Variants in DLGAP2 observed in about 807,000 individuals in gnomAD.
DLGAP2 encodes the protein disks large-associated protein 2.
A neutral mutation model predicts 100.3 loss-of-function variants in DLGAP2; 26 were observed. The ratio of observed to expected loss-of-function variants is 0.26; its 90% CI spans 0.19 to 0.36. DLGAP2 has a LOEUF of 0.36. Ranked by LOEUF, DLGAP2 falls within the 10% of genes least tolerant of loss-of-function variation. The pLI is 1.00. For missense variants in DLGAP2, 1,858 were observed against 1,453.2 expected, an observed-to-expected ratio of 1.28 and a Z score of -4.53; for synonymous variants, 886 against 630.1, an observed-to-expected ratio of 1.41 and a Z score of -6.08.
intron 2 of DLGAP2, among the ~76,000 whole-genome samples, chr8:1,099,125 G>T (rs1043381405): frequency 5.3e-5 from 8 of 152,148 alleles, no homozygotes; most frequent in Non-Finnish European, 8.8e-5. Flanking sequence ...CCAGTTCTCA[G>T]CCTCGCCGGT....
At chr8:1,222,616 G>T (rs911787032) in intron 2 of DLGAP2, among the ~76,000 whole-genome samples, 1 of 151,942 alleles carries the variant, frequency 6.6e-6, no homozygotes, top group Non-Finnish European at 1.5e-5. Flanking sequence ...GCTGGCGGGG[G>T]AAGGCTGCAG....
chr8:1,487,996 A>C (rs971866552), intron 3 of DLGAP2, among the ~76,000 whole-genome samples: 13 of 151,276 alleles, frequency 8.6e-5, no homozygotes, highest in African/African-American at 3.1e-4. Context: ...CATTGTTGAA[A>C]TGATCGCTTT....
intron 1 of DLGAP2, among the ~76,000 whole-genome samples, chr8:833,066 C>T (rs996309201): frequency 1.3e-5 from 2 of 152,198 alleles, no homozygotes; most frequent in African/African-American, 4.8e-5. Context: ...CCCATCATCC[C>T]CATGAGCAGC....
intron 3 of DLGAP2, 67 bp from the exon 4 acceptor site, chr8:1,501,299 G>A (rs1584958851): frequency 1.3e-6 from 2 of 1,481,884 alleles, no homozygotes; most frequent in Non-Finnish European, 1.8e-6. Flanking sequence ...TTTTGAAGAT[G>A]TGCAGGGAAT....
intron 3 of DLGAP2, among the ~76,000 whole-genome samples, chr8:1,485,558 C>A (rs913151250): frequency 2.6e-5 from 4 of 152,228 alleles, no homozygotes; most frequent in African/African-American, 9.6e-5. Context: ...ACGTTGCGTC[C>A]ATGTGAAGAT....
intron 8 of DLGAP2, among the ~76,000 whole-genome samples, chr8:1,639,571 G>A (rs1042345545): frequency 1.3e-5 from 2 of 152,230 alleles, no homozygotes; most frequent in Admixed American, 1.3e-4. Context: ...CTGGACTGAG[G>A]AACCCCTACA....
At chr8:878,430 G>C (rs1294668283) in intron 1 of DLGAP2, among the ~76,000 whole-genome samples, 1 of 152,180 alleles carries the variant, frequency 6.6e-6, no homozygotes, top group African/African-American at 2.4e-5. Context: ...GTGGGGTTGT[G>C]GGTCAGAGGA....
intron 1 of DLGAP2, among the ~76,000 whole-genome samples, chr8:741,573 A>C (rs1820486611): frequency 6.6e-6 from 1 of 152,108 alleles, no homozygotes; most frequent in Admixed American, 6.6e-5. Context: ...TTCATGTGGG[A>C]TGTCAGTTGC....
chr8:1,546,854 C>T (rs932473199), intron 4 of DLGAP2, among the ~76,000 whole-genome samples: 1 of 152,068 alleles, frequency 6.6e-6, no homozygotes, highest in African/African-American at 2.4e-5. Context: ...GGCAGGAATT[C>T]GTTCCGGGAT....
chr8:1,202,241 AGTGT>A (rs36230610), intron 2 of DLGAP2, among the ~76,000 whole-genome samples: 15,841 of 149,046 alleles, frequency 0.11, 956 homozygotes, highest in African/African-American at 0.16. Flanking sequence ...GTATAGATGC[AGTGT>A]GTGTGTGTGT....
At chr8:805,671 G>C (rs1332303095) in intron 1 of DLGAP2, among the ~76,000 whole-genome samples, 1 of 152,062 alleles carries the variant, frequency 6.6e-6, no homozygotes, top group Non-Finnish European at 1.5e-5. Flanking sequence ...GCAGTGGCAC[G>C]ATCTGGGCTC....
chr8:1,247,161 T>C (rs1585187864), intron 2 of DLGAP2: 1 of 156,854 alleles, frequency 6.4e-6, no homozygotes, highest in East Asian at 2.2e-4. Flanking sequence ...ACCTTTGAGA[T>C]CAGTGTGGGA....
intron 2 of DLGAP2, chr8:1,018,719 A>T (rs1801543154): frequency 6.6e-6 from 1 of 152,246 alleles, no homozygotes; most frequent in Non-Finnish European, 1.5e-5. Flanking sequence ...CATATTCCTT[A>T]TCAACTGGAA....
At chr8:1,660,945 G>A (rs933852574) in intron 8 of DLGAP2, among the ~76,000 whole-genome samples, 8 of 152,152 alleles carry the variant, frequency 5.3e-5, no homozygotes, top group African/African-American at 1.2e-4. Flanking sequence ...AGCTAATACC[G>A]CAACTTTCAG....
chr8:1,707,484 C>A lies in DLGAP2; in HGVS notation c.*6078C>A, dbSNP rs1184945468. ...ATCATATCACTTTCAAAGGGCTCAG[C>A]ACGAATGTTCCCCTCACTCCACTTT... is the stretch of plus-strand genomic sequence containing the variant. On this transcript the variant is annotated 3_prime_UTR_variant, in exon 15 of 15. Coordinates refer to ENST00000637795, the MANE Select transcript of DLGAP2 (RefSeq NM_001346810.2). 1 of 152,212 alleles carries A rather than the reference C, an allele frequency of 6.6e-6. No homozygotes were observed. The highest frequency in any genetic ancestry group is 1.9e-4 in the East Asian group (1 of 5,192). The allele number at this position is 152,212 out of a possible 1,614,324, so 9.4% of individuals were successfully genotyped here.
chr8:1,350,183 C>G (rs1563098876), intron 3 of DLGAP2, among the ~76,000 whole-genome samples: 1 of 151,008 alleles, frequency 6.6e-6, no homozygotes, highest in Non-Finnish European at 1.5e-5. Context: ...CGTGGAAAGG[C>G]CGCGCGGGTC....
chr8:963,144 G>A (rs577844452), intron 2 of DLGAP2, among the ~76,000 whole-genome samples: 1 of 152,300 alleles, frequency 6.6e-6, no homozygotes, highest in South Asian at 2.1e-4. Context: ...AGCTTCTTGT[G>A]TCGAAGGAGA....
intron 4 of DLGAP2, among the ~76,000 whole-genome samples, chr8:1,536,773 A>T (rs1341363763): frequency 6.6e-6 from 1 of 152,114 alleles, no homozygotes. Flanking sequence ...TTCTCTCCCA[A>T]GTTTTCCCAC....
At chr8:1,065,896 C>T (rs1477053766) in intron 2 of DLGAP2, among the ~76,000 whole-genome samples, 6 of 152,168 alleles carry the variant, frequency 3.9e-5, no homozygotes, top group Admixed American at 1.3e-4. Context: ...CATTCTCCCG[C>T]GTGGTCTGTG....
Sources: gnomAD v4.1 joint callset for allele counts (sites outside exome capture counted in the v4.1 genomes callset) on GRCh38, gnomAD v4.1.1 for gene constraint, MANE v1.5 for transcripts, NCBI Gene and HGNC (gene_info 2026-07-23, HGNC 2026-07-21) for gene names.